The following PTPRD variants were observed in gnomAD, a reference collection of about 807,000 sequenced individuals.
The protein encoded by PTPRD is protein tyrosine phosphatase receptor type D, also known as receptor-type tyrosine-protein phosphatase delta.
In PTPRD, 34 loss-of-function variants were observed where a neutral mutation model predicts 214.5. The ratio of observed to expected loss-of-function variants is 0.16; its 90% confidence interval spans 0.12 to 0.21. The LOEUF is 0.21. Among genes scored for constraint, PTPRD ranks in the 10% least tolerant of loss-of-function variants. The pLI is 1.00. For missense variants in PTPRD, 2,545 were observed against 2,398.7 expected, an observed-to-expected ratio of 1.06 and a Z score of -1.27; for synonymous variants, 1,128 against 845.7, an observed-to-expected ratio of 1.33 and a Z score of -5.79.
intron 2 of PTPRD, among the ~76,000 whole-genome samples, chr9:10,398,919 C>T (rs2098223118): frequency 6.6e-6 from 1 of 151,918 alleles, no homozygotes; most frequent in Non-Finnish European, 1.5e-5. Context: ...GGATCTGAGG[C>T]TTTAGGCTAT....
Position 8,733,863 on chromosome 9 carries a change from G to A in PTPRD, c.-20C>T, listed in dbSNP as rs1019776563. On this transcript the variant is annotated 5_prime_UTR_variant, in exon 12 of 46. It adds an upstream start codon to the 5' untranslated region. Coordinates refer to ENST00000381196, the MANE Select transcript of PTPRD (RefSeq NM_002839.4). ...CACCATCCTGCAGCTTGGCAGCAGC[G>A]TGCGCGAGCAGCTTGGAATCACTGC... The A allele has an allele frequency of 5.2e-6, 8 of 1,549,638 alleles. No individual in the cohort carries two copies. The highest frequency in any genetic ancestry group is 7.0e-6 in the Non-Finnish European group (8 of 1,146,804).
At chr9:10,503,208 C>CCA (rs1241996975) in intron 2 of PTPRD, among the ~76,000 whole-genome samples, 1 of 118,456 alleles carries the variant, frequency 8.4e-6, no homozygotes, top group African/African-American at 3.0e-5. Flanking sequence ...AAAAAAAAAA[C>CCA]AAAAAAAAAC....
At chr9:9,296,570 T>C (rs1268071789) in intron 9 of PTPRD, among the ~76,000 whole-genome samples, 1 of 151,742 alleles carries the variant, frequency 6.6e-6, no homozygotes, top group Non-Finnish European at 1.5e-5. Context: ...GATAGAGTGA[T>C]AGTAGAGTTC....
intron 11 of PTPRD, among the ~76,000 whole-genome samples, chr9:8,831,216 T>A (rs77040464): frequency 0.021 from 3,134 of 152,326 alleles, 49 homozygotes; most frequent in Middle Eastern, 0.031. Flanking sequence ...AAAACTGTCA[T>A]GAATTCATTC....
chr9:8,974,808 A>T (rs112703867), intron 11 of PTPRD, among the ~76,000 whole-genome samples: 5,298 of 152,050 alleles, frequency 0.035, 166 homozygotes, highest in African/African-American at 0.076. Flanking sequence ...ACCAAGAAAG[A>T]TATTTGGGCC....
chr9:9,079,349 G>A lies in PTPRD; in HGVS notation c.-142-60614C>T, dbSNP rs543184864. Among the ~76,000 whole-genome samples, 6 of 152,044 alleles carry A rather than the reference G, an allele frequency of 3.9e-5. No homozygotes were observed. In the South Asian group the frequency reaches 1.0e-3, roughly 26 times the overall value. On this transcript the variant is annotated intron_variant, in intron 10 of 45. Coordinates refer to ENST00000381196, the MANE Select transcript of PTPRD (RefSeq NM_002839.4). ...GGCTTATTTCACTTAATATCCTTCAGTTCCATCTATGTTGCCATACATGAC... is the reference window on the plus strand; with the variant it reads ...GGCTTATTTCACTTAATATCCTTCAATTCCATCTATGTTGCCATACATGAC...
intron 3 of PTPRD, among the ~76,000 whole-genome samples, chr9:10,330,795 C>CA (rs2096735547): frequency 6.6e-6 from 1 of 151,778 alleles, no homozygotes; most frequent in South Asian, 2.1e-4. Context: ...CAGAGGGCAG[C>CA]AAAAAGCCAT....
At chr9:8,960,028 T>C (rs1050083173) in intron 11 of PTPRD, among the ~76,000 whole-genome samples, 4 of 152,030 alleles carry the variant, frequency 2.6e-5, no homozygotes, top group African/African-American at 9.7e-5. Context: ...TTTACAGAAA[T>C]TTACCAATAT....
intron 12 of PTPRD, among the ~76,000 whole-genome samples, chr9:8,679,283 G>A (rs762411024): frequency 5.3e-5 from 8 of 152,146 alleles, no homozygotes; most frequent in Admixed American, 1.3e-4. Flanking sequence ...CTCTTGATAC[G>A]ATTTCTGATC....
At position 9,119,360 on chromosome 9, in the gene PTPRD, TG is replaced by T. The variant is rs1569547038; in HGVS notation, c.-143+63943del. Among the ~76,000 whole-genome samples the T allele has an allele frequency of 8.1e-3, 1,226 of 152,116 alleles. 17 individuals are homozygous for T. The highest frequency in any genetic ancestry group is 0.028 in the African/African-American group (1,166 of 41,500). On this transcript the variant is annotated intron_variant, in intron 10 of 45. Coordinates refer to ENST00000381196, the MANE Select transcript of PTPRD (RefSeq NM_002839.4). ...TCTCAGAAATCTGATTTAGCAAAAA[TG>T]GTGAGGGTGAGGAGATAACTCTTTG...
At chr9:10,289,115 G>A (rs567594518) in intron 3 of PTPRD, among the ~76,000 whole-genome samples, 74 of 152,002 alleles carry the variant, frequency 4.9e-4, no homozygotes, top group African/African-American at 1.7e-3. Flanking sequence ...CTTCCAGGAT[G>A]GGATGAGTAT....
At chr9:8,462,729 G>A (rs564011871) in intron 32 of PTPRD, among the ~76,000 whole-genome samples, 5 of 151,730 alleles carry the variant, frequency 3.3e-5, no homozygotes, top group South Asian at 4.2e-4. Context: ...GGCAGTGATC[G>A]GTCATTCCCC....
At chr9:10,290,284 G>A (rs897296194) in intron 3 of PTPRD, among the ~76,000 whole-genome samples, 1 of 151,990 alleles carries the variant, frequency 6.6e-6, no homozygotes, top group African/African-American at 2.4e-5. Flanking sequence ...TGTATGACAG[G>A]CTGATTATTA....
intron 35 of PTPRD, among the ~76,000 whole-genome samples, chr9:8,423,183 G>A (rs547915714): frequency 2.6e-5 from 4 of 151,258 alleles, no homozygotes; most frequent in South Asian, 2.1e-4. Context: ...TAAAAAGATC[G>A]TCCAGTCCAA....
intron 12 of PTPRD, among the ~76,000 whole-genome samples, chr9:8,697,037 T>C (rs116888324): frequency 6.6e-6 from 1 of 152,356 alleles, no homozygotes; most frequent in Non-Finnish European, 1.5e-5. Flanking sequence ...TAACAGTTTC[T>C]GCCTAGAAGA....
chr9:9,635,583 C>T (rs191439204), intron 7 of PTPRD, among the ~76,000 whole-genome samples: 3 of 152,288 alleles, frequency 2.0e-5, no homozygotes, highest in East Asian at 3.9e-4. Context: ...GAACCATTGA[C>T]AGATTTAAGG....
At chr9:9,383,774 C>T (rs1445010739) in intron 9 of PTPRD, among the ~76,000 whole-genome samples, 1 of 152,164 alleles carries the variant, frequency 6.6e-6, no homozygotes, top group Admixed American at 6.6e-5. Context: ...TTCTCCCTTA[C>T]GCTAAAATTC....
intron 11 of PTPRD, among the ~76,000 whole-genome samples, chr9:8,929,298 C>T (rs10283660): frequency 0.32 from 47,930 of 151,754 alleles, 7,705 homozygotes; most frequent in Middle Eastern, 0.36. Context: ...CAGCTTTGGC[C>T]GATTCAGTAT....
At chr9:9,467,213 C>CTT (rs35659936) in intron 8 of PTPRD, among the ~76,000 whole-genome samples, 1,578 of 92,808 alleles carry the variant, frequency 0.017, 42 homozygotes, top group African/African-American at 0.064. Flanking sequence ...GTTCATTTAT[C>CTT]TTTTTTTTTT....
Sources: allele counts gnomAD v4.1 joint callset (sites outside exome capture counted in the v4.1 genomes callset), GRCh38; gene constraint gnomAD v4.1.1; transcripts MANE v1.5; gene names NCBI Gene and HGNC (gene_info 2026-07-23, HGNC 2026-07-21).